Variants in NRTN observed in about 807,000 individuals in gnomAD.
The protein encoded by NRTN is prepro-neurturin.
NRTN carries 3 observed loss-of-function variants against 7.5 expected under a neutral mutation model. The observed-to-expected ratio is 0.40, with a 90% confidence interval of 0.18 to 1.03. The LOEUF is 1.03. NRTN is among the 50% of genes least tolerant of loss of function. NRTN has a pLI of 0.34. For missense variants in NRTN, 310 were observed against 307.0 expected, an observed-to-expected ratio of 1.01 and a Z score of -0.07; for synonymous variants, 157 against 146.6, an observed-to-expected ratio of 1.07 and a Z score of -0.51.
intron 1 of NRTN, among the ~76,000 whole-genome samples, chr19:5,815,173 AGGAG>A (rs752728340): frequency 6.8e-6 from 1 of 147,356 alleles, no homozygotes; most frequent in Non-Finnish European, 1.5e-5. Flanking sequence ...TGTGGCCAGG[AGGAG>A]GGTCTTGGGG....
At chr19:5,819,264 T>C (rs1599637168) in intron 1 of NRTN, among the ~76,000 whole-genome samples, 1 of 152,102 alleles carries the variant, frequency 6.6e-6, no homozygotes, top group East Asian at 1.9e-4. Flanking sequence ...CAGTGGCTCA[T>C]GCCTGTAATC....
At position 5,806,684 on chromosome 19, in the gene NRTN, C is replaced by T. The variant is rs1451760742; in HGVS notation, c.-399+1233C>T. Among the ~76,000 whole-genome samples the T allele has an allele frequency of 6.6e-6, 1 of 152,104 alleles. No individual in the cohort carries two copies. Among genetic ancestry groups the T allele is most frequent in the Non-Finnish European group, 1.5e-5 (1 of 68,020 alleles). On this transcript the variant is annotated intron_variant, in intron 1 of 2. Transcript: ENST00000303212. This position sits in a 1 kb window ranked among gnomAD's most constrained non-coding sequence, Gnocchi z 5.4. ...TCATAGCTCCGGCACCGACTCCACC[C>T]CCAGGGAGCTACAGAAAGCTTCTTC...
rs762159580 is a variant in NRTN, at chr19:5,827,742, C to G, written c.170-7C>G. 4.9e-6 allele frequency: 6 copies of G among 1,220,876 alleles called. No individual in the cohort carries two copies. The South Asian group carries it at 1.5e-4, about 30-fold the overall frequency. The allele number at this position is 1,220,876 out of a possible 1,614,324, so 75.6% of individuals were successfully genotyped here. A position where few individuals can be genotyped will look rare whatever the true frequency, so the allele number is the denominator to read the frequency against. ...ACCCCCCCTCCTTTCTCTTCCTCCC[C>G]TCGCAGACCGTGCACTCCTGCAGGG... On this transcript the variant is annotated splice_region_variant and splice_polypyrimidine_tract_variant and intron_variant, in intron 2 of 2. Coordinates refer to ENST00000303212, the MANE Select transcript of NRTN (RefSeq NM_004558.5).
chr19:5,812,714 G>C (rs2056994000), intron 1 of NRTN, among the ~76,000 whole-genome samples: 1 of 152,166 alleles, frequency 6.6e-6, no homozygotes, highest in Non-Finnish European at 1.5e-5. Context: ...ACTGAGTCTT[G>C]CCTTGAGAGG....
intron 1 of NRTN, among the ~76,000 whole-genome samples, chr19:5,805,867 G>T (rs576297087): frequency 6.6e-6 from 1 of 152,124 alleles, no homozygotes; most frequent in African/African-American, 2.4e-5. Flanking sequence ...ATCCTGCAGA[G>T]CCCGGGCGGG....
chr19:5,817,951 T>C (rs75708854), intron 1 of NRTN, among the ~76,000 whole-genome samples: 30,932 of 148,100 alleles, frequency 0.21, 4,125 homozygotes, highest in East Asian at 0.56. Flanking sequence ...AGGCGCACAC[T>C]GCCACACCCG....
In NRTN at chr19:5,813,907, C is replaced by T. The variant is rs140995817; in HGVS notation, c.-399+8456C>T. 8.1e-3 allele frequency among the ~76,000 whole-genome samples: 1,231 copies of T among 152,122 alleles called. 14 individuals are homozygous for T. Among genetic ancestry groups the T allele is most frequent in the African/African-American group, 0.028 (1,177 of 41,488 alleles). On this transcript the variant is annotated intron_variant, in intron 1 of 2. Coordinates refer to ENST00000303212, the MANE Select transcript of NRTN (RefSeq NM_004558.5). ...TCTGTAGTCCCAGCTGCTTGGGAGGCTGAGGCAGGAGAATGGCTTGAACCT... is the reference window on the plus strand; with the variant it reads ...TCTGTAGTCCCAGCTGCTTGGGAGGTTGAGGCAGGAGAATGGCTTGAACCT...
In NRTN at chr19:5,805,626, G is replaced by A. The variant is rs561765392; in HGVS notation, c.-399+175G>A. On this transcript the variant is annotated intron_variant, in intron 1 of 2. Transcript: ENST00000303212. ...GGTCAGAGGGACGACAGGTCAGCGC[G>A]TGGGGAGGGGCGGGGGCGTGAAGCC... Among the ~76,000 whole-genome samples the A allele has an allele frequency of 5.1e-4, 77 of 151,972 alleles. 1 individual carries two copies. The South Asian group carries it at 0.011, about 21-fold the overall frequency.
chr19:5,811,451 T>A (rs2056990286), intron 1 of NRTN, among the ~76,000 whole-genome samples: 1 of 152,204 alleles, frequency 6.6e-6, no homozygotes, highest in African/African-American at 2.4e-5. Flanking sequence ...GATAAAATAG[T>A]CCATACCTTG....
intron 2 of NRTN, among the ~76,000 whole-genome samples, chr19:5,824,763 CAGAGCA>C (rs1599639761): frequency 1.3e-5 from 2 of 152,298 alleles, no homozygotes; most frequent in East Asian, 3.9e-4. Flanking sequence ...GCCTGAGCAA[CAGAGCA>C]AGATTCTGTC....
chr19:5,811,347 C>G (rs1379705925), intron 1 of NRTN, among the ~76,000 whole-genome samples: 1 of 152,178 alleles, frequency 6.6e-6, no homozygotes, highest in East Asian at 1.9e-4. Context: ...TGCTGACCAC[C>G]TGTGTTCAAA....
intron 1 of NRTN, among the ~76,000 whole-genome samples, chr19:5,807,189 G>C (rs2144754392): frequency 6.6e-6 from 1 of 152,310 alleles, no homozygotes; most frequent in South Asian, 2.1e-4. Context: ...AATAGTCAAG[G>C]CACCTTGGTG....
At chr19:5,808,740 C>T in intron 1 of NRTN, among the ~76,000 whole-genome samples, 1 of 150,968 alleles carries the variant, frequency 6.6e-6, no homozygotes. Context: ...ACACTCTTTC[C>T]AGATCTTCAA....
intron 1 of NRTN, among the ~76,000 whole-genome samples, chr19:5,821,184 TC>T (rs1215820724): frequency 1.8e-4 from 27 of 152,230 alleles, no homozygotes; most frequent in Admixed American, 1.8e-3. Context: ...CCCAGAGACT[TC>T]AACTGTGGTT....
intron 1 of NRTN, among the ~76,000 whole-genome samples, chr19:5,811,185 C>T (rs1310144053): frequency 2.6e-5 from 4 of 151,972 alleles, no homozygotes; most frequent in African/African-American, 9.7e-5. Flanking sequence ...TTGCAGTGAG[C>T]CGAGATCGTG....
intron 1 of NRTN, among the ~76,000 whole-genome samples, chr19:5,807,877 G>A (rs1375148716): frequency 6.6e-6 from 1 of 152,210 alleles, no homozygotes; most frequent in Non-Finnish European, 1.5e-5. Flanking sequence ...GAGCCCAGGA[G>A]TTCCAGACTA....
chr19:5,816,593 A>T (rs576867346), intron 1 of NRTN, among the ~76,000 whole-genome samples: 1 of 151,546 alleles, frequency 6.6e-6, no homozygotes, highest in East Asian at 2.0e-4. Flanking sequence ...TGTTGGTCAG[A>T]CTGGTCTCAA....
chr19:5,826,458 A>T (rs1324043716), intron 2 of NRTN, among the ~76,000 whole-genome samples: 4 of 152,150 alleles, frequency 2.6e-5, no homozygotes, highest in African/African-American at 9.7e-5. Flanking sequence ...TGGCAGAGTC[A>T]TGCTCTGAGG....
At chr19:5,821,892 A>G (rs539847168) in intron 1 of NRTN, among the ~76,000 whole-genome samples, 1 of 152,214 alleles carries the variant, frequency 6.6e-6, no homozygotes, top group African/African-American at 2.4e-5. Flanking sequence ...TCCCAAGCCC[A>G]GCCCAGCCCA....
Sources: allele counts gnomAD v4.1 joint callset (sites outside exome capture counted in the v4.1 genomes callset), GRCh38; gene constraint gnomAD v4.1.1; non-coding constraint Gnocchi (gnomAD v3.1); transcripts MANE v1.5; gene names NCBI Gene and HGNC (gene_info 2026-07-23, HGNC 2026-07-21).